Variants in KLHL29 observed in about 807,000 individuals in gnomAD.
KLHL29 encodes the protein kelch like family member 29, also known as kelch-like protein 29.
Under a neutral mutation model 80.4 loss-of-function variants are expected in KLHL29, and 21 were observed. That is an observed-to-expected ratio of 0.26 (90% CI 0.19 to 0.38). The LOEUF (loss-of-function observed/expected upper bound fraction) is 0.38. Among genes scored for constraint, KLHL29 ranks in the 10% least tolerant of loss-of-function variants. The pLI is 1.00. For missense variants in KLHL29, 867 were observed against 1,223.9 expected, an observed-to-expected ratio of 0.71 and a Z score of 4.35; for synonymous variants, 511 against 526.8, an observed-to-expected ratio of 0.97 and a Z score of 0.41.
At chr2:23,452,401 C>T (rs1374924061) in intron 1 of KLHL29, among the ~76,000 whole-genome samples, 1 of 152,026 alleles carries the variant, frequency 6.6e-6, no homozygotes, top group African/African-American at 2.4e-5. Flanking sequence ...CACAAGGGAT[C>T]CTCCAGGGTC....
In KLHL29 at chr2:23,406,323, A is replaced by G. The variant is rs574297089; in HGVS notation, c.-154+20543A>G. On this transcript the variant is annotated intron_variant, in intron 1 of 13. Transcript: ENST00000486442. ...AGCCTGGGCGACAAAGCAAGACTCC[A>G]TCTCAAAAAAAAAAAAAAAAGAAAA... 3.9e-5 allele frequency among the ~76,000 whole-genome samples: 4 copies of G among 102,296 alleles called. 1 individual carries two copies. The highest frequency in any genetic ancestry group is 9.3e-4 in the South Asian group (2 of 2,154). 67.1% of individuals were successfully genotyped at this position (102,296 alleles called of 152,430 possible). A position where few individuals can be genotyped will look rare whatever the true frequency, so the allele number is the denominator to read the frequency against.
chr2:23,556,933 A>T (rs1667313385), intron 2 of KLHL29, among the ~76,000 whole-genome samples: 1 of 152,222 alleles, frequency 6.6e-6, no homozygotes, highest in Non-Finnish European at 1.5e-5. Flanking sequence ...GCAAAGCACT[A>T]ACCCCACCCA....
At chr2:23,542,914 T>G (rs1290600106) in intron 2 of KLHL29, among the ~76,000 whole-genome samples, 1 of 152,158 alleles carries the variant, frequency 6.6e-6, no homozygotes, top group Non-Finnish European at 1.5e-5. Context: ...CACTCCCAAC[T>G]GTCTGAGCTT....
intron 1 of KLHL29, among the ~76,000 whole-genome samples, chr2:23,436,280 TTGTGTGTGTGTG>T (rs57931176): frequency 0.044 from 6,044 of 136,978 alleles, 167 homozygotes; most frequent in Middle Eastern, 0.072. Flanking sequence ...CCAATCAGCT[TTGTGTGTGTGTG>T]TGTGTGTGTG....
chr2:23,673,446 G>A (rs994112967), intron 5 of KLHL29, among the ~76,000 whole-genome samples: 1 of 149,664 alleles, frequency 6.7e-6, no homozygotes, highest in African/African-American at 2.5e-5. Flanking sequence ...ACCACATGCT[G>A]TCTCTCTCAC....
Position 23,647,648 on chromosome 2 carries a change from T to C in KLHL29, c.940+4798T>C, listed in dbSNP as rs1218484846. Among the ~76,000 whole-genome samples the C allele has an allele frequency of 2.6e-5, 4 of 151,958 alleles. No individual in the cohort carries two copies. The highest frequency in any genetic ancestry group is 9.7e-5 in the African/African-American group (4 of 41,350). ...GTCTGGCTCTACGGTGCTGCCAGAG[T>C]GATTTTTCAAAATGCAGGTCTGGCC... On this transcript the variant is annotated intron_variant, in intron 5 of 13. Coordinates refer to ENST00000486442, the MANE Select transcript of KLHL29 (RefSeq NM_052920.2). The surrounding 1 kb of genome is among the most constrained non-coding windows in gnomAD (Gnocchi z 4.9).
Position 23,700,989 on chromosome 2 carries a change from G to C in KLHL29, c.2106-2197G>C, listed in dbSNP as rs142937386. 5.1e-4 allele frequency among the ~76,000 whole-genome samples: 77 copies of C among 152,188 alleles called. No homozygotes were observed. Among genetic ancestry groups the C allele is most frequent in the African/African-American group, 1.6e-3 (68 of 41,514 alleles). On this transcript the variant is annotated intron_variant, in intron 11 of 13. Transcript: ENST00000486442. This position sits in a 1 kb window ranked among gnomAD's most constrained non-coding sequence, Gnocchi z 4.6. ...CTCCTGAGCTTCCATTTCCAGCTTT[G>C]TGCCAGAGATCCCACAGCTGAATAT... is the stretch of plus-strand genomic sequence containing the variant.
intron 1 of KLHL29, among the ~76,000 whole-genome samples, chr2:23,397,941 A>C (rs1389926459): frequency 6.6e-6 from 1 of 152,186 alleles, no homozygotes. Context: ...CGTGACTATA[A>C]ACAACAACAG....
chr2:23,610,050 G>A (rs1270495123), intron 3 of KLHL29, among the ~76,000 whole-genome samples: 16 of 152,164 alleles, frequency 1.1e-4, no homozygotes, highest in Admixed American at 9.2e-4. Context: ...CAGTCCCTCA[G>A]GGATCACATG....
intron 2 of KLHL29, among the ~76,000 whole-genome samples, chr2:23,485,548 G>A (rs971215336): frequency 6.6e-6 from 1 of 152,220 alleles, no homozygotes; most frequent in African/African-American, 2.4e-5. Flanking sequence ...GGCCCAGGAG[G>A]AAGCTAGGCC....
At chr2:23,643,433 C>G (rs1169610349) in intron 5 of KLHL29, 2 of 174,272 alleles carry the variant, frequency 1.1e-5, no homozygotes, top group Non-Finnish European at 2.5e-5. Context: ...TTTGTGAGAC[C>G]TTGGGAAAGA....
At chr2:23,426,020 A>G (rs1232954695) in intron 1 of KLHL29, among the ~76,000 whole-genome samples, 1 of 152,130 alleles carries the variant, frequency 6.6e-6, no homozygotes, top group Non-Finnish European at 1.5e-5. Flanking sequence ...GCCATTTCAA[A>G]GATACTGATC....
chr2:23,394,337 A>G (rs927090266), intron 1 of KLHL29, among the ~76,000 whole-genome samples: 2 of 152,182 alleles, frequency 1.3e-5, no homozygotes, highest in Non-Finnish European at 2.9e-5. Flanking sequence ...AAATGAGGGT[A>G]GATTGAATAA....
chr2:23,563,748 A>G (rs1473331129), intron 3 of KLHL29, among the ~76,000 whole-genome samples: 2 of 152,218 alleles, frequency 1.3e-5, no homozygotes, highest in African/African-American at 4.8e-5. Context: ...GGCTGAGACA[A>G]TGGAGCTATT....
intron 3 of KLHL29, among the ~76,000 whole-genome samples, chr2:23,634,382 G>A (rs1259727296): frequency 6.6e-6 from 1 of 152,166 alleles, no homozygotes; most frequent in Non-Finnish European, 1.5e-5. Context: ...TGCACTGGTT[G>A]CTGTGGGGTC....
rs1220171612 is a variant in KLHL29 at position 23,648,215 on chromosome 2, T to C, written c.940+5365T>C. ...ATATCCTGCCCCAGACCATACAGGCTCTGGAACTCTGCCTCAGTTTCCTCA... is the reference window on the plus strand; with the variant it reads ...ATATCCTGCCCCAGACCATACAGGCCCTGGAACTCTGCCTCAGTTTCCTCA... On this transcript the variant is annotated intron_variant, in intron 5 of 13. Coordinates refer to ENST00000486442, the MANE Select transcript of KLHL29 (RefSeq NM_052920.2). Among the ~76,000 whole-genome samples, 3 of 152,096 alleles carry C rather than the reference T, an allele frequency of 2.0e-5. 1 individual carries two copies. The highest frequency in any genetic ancestry group is 2.0e-4 in the Admixed American group (3 of 15,274).
intron 1 of KLHL29, among the ~76,000 whole-genome samples, chr2:23,430,095 C>T (rs933929715): frequency 6.6e-6 from 1 of 152,190 alleles, no homozygotes; most frequent in African/African-American, 2.4e-5. Flanking sequence ...TGGACCCTCT[C>T]TTCCTTCCAC....
chr2:23,664,838 T>A (rs1490562936), intron 5 of KLHL29, among the ~76,000 whole-genome samples: 2 of 151,706 alleles, frequency 1.3e-5, no homozygotes, highest in African/African-American at 4.9e-5. Flanking sequence ...GGCCAATCAC[T>A]CCCCTTCCCC....
intron 5 of KLHL29, among the ~76,000 whole-genome samples, chr2:23,677,078 A>G (rs6714016): frequency 0.16 from 24,707 of 152,198 alleles, 2,109 homozygotes; most frequent in Middle Eastern, 0.24. Context: ...ATTTCTGTTA[A>G]TTTTATGATG....
Sources: allele counts gnomAD v4.1 joint callset (sites outside exome capture counted in the v4.1 genomes callset), GRCh38; gene constraint gnomAD v4.1.1; non-coding constraint Gnocchi (gnomAD v3.1); transcripts MANE v1.5; gene names NCBI Gene and HGNC (gene_info 2026-07-23, HGNC 2026-07-21).